Variants in TENM3 observed in about 807,000 individuals in gnomAD.
TENM3 encodes teneurin-3.
In TENM3, 63 loss-of-function variants were observed where a neutral mutation model predicts 255.1. That is an observed-to-expected ratio of 0.25 (90% CI 0.20 to 0.30). The LOEUF (loss-of-function observed/expected upper bound fraction) is 0.30, where lower values mean the gene tolerates loss of function less well. Among genes scored for constraint, TENM3 ranks in the 10% least tolerant of loss-of-function variants. The pLI is 1.00. For synonymous variants in TENM3, 1,306 were observed against 1,322.3 expected, an observed-to-expected ratio of 0.99 and a Z score of 0.27; for missense variants, 2,929 against 3,461.1, an observed-to-expected ratio of 0.85 and a Z score of 3.86.
intron 1 of TENM3, among the ~76,000 whole-genome samples, chr4:182,277,686 A>G (rs1391868169): frequency 2.0e-5 from 3 of 152,208 alleles, no homozygotes; most frequent in Non-Finnish European, 2.9e-5. Flanking sequence ...AAAATAGGAT[A>G]GAGTCCCAGT....
the TENM3 span, among the ~76,000 whole-genome samples, chr4:182,030,551 A>G: frequency 1.8e-4 from 27 of 152,282 alleles, no homozygotes; most frequent in South Asian, 8.3e-4. Flanking sequence ...ATACCTGTGC[A>G]TGTATCTTTA....
At chr4:182,169,894 A>G (rs1751985769) in intron 1 of TENM3, among the ~76,000 whole-genome samples, 1 of 151,938 alleles carries the variant, frequency 6.6e-6, no homozygotes, top group Admixed American at 6.6e-5. Flanking sequence ...TTGTAATTTA[A>G]TCTTACCATC....
the TENM3 span, among the ~76,000 whole-genome samples, chr4:181,767,648 T>C: frequency 6.6e-6 from 1 of 152,114 alleles, no homozygotes; most frequent in East Asian, 1.9e-4. Context: ...TCAGTAGGTC[T>C]AGGAAGGGAC....
chr4:181,961,135 G>A, the TENM3 span, among the ~76,000 whole-genome samples: 1 of 152,118 alleles, frequency 6.6e-6, no homozygotes, highest in African/African-American at 2.4e-5. Flanking sequence ...AAAATAATTG[G>A]AACCACTGTG....
At chr4:182,483,584 G>GTA (rs1168254087) in intron 3 of TENM3, among the ~76,000 whole-genome samples, 12 of 152,134 alleles carry the variant, frequency 7.9e-5, no homozygotes, top group African/African-American at 2.9e-4. Context: ...CAACAATGAG[G>GTA]TATGTCTAGG....
intron 7 of TENM3, among the ~76,000 whole-genome samples, chr4:182,679,205 A>T (rs1349191235): frequency 1.4e-5 from 2 of 143,748 alleles, no homozygotes; most frequent in Admixed American, 6.9e-5. Context: ...ACTTAAAATA[A>T]AATTTAAAAA....
At chr4:182,648,911 C>T (rs1245088401) in intron 5 of TENM3, among the ~76,000 whole-genome samples, 2 of 152,112 alleles carry the variant, frequency 1.3e-5, no homozygotes, top group South Asian at 2.1e-4. Context: ...CAGTTCATTC[C>T]CTAATGCTGC....
chr4:182,236,483 C>T (rs542683401), intron 1 of TENM3, among the ~76,000 whole-genome samples: 28 of 152,170 alleles, frequency 1.8e-4, no homozygotes, highest in Non-Finnish European at 3.1e-4. Flanking sequence ...TGCCTGATTT[C>T]CTTTCATGAT....
the TENM3 span, among the ~76,000 whole-genome samples, chr4:181,920,966 C>A: frequency 3.3e-5 from 5 of 152,142 alleles, no homozygotes; most frequent in East Asian, 9.6e-4. Flanking sequence ...AGCCAGTTTT[C>A]CCAGCACCAT....
At chr4:181,920,658 A>G in the TENM3 span, among the ~76,000 whole-genome samples, 3 of 151,624 alleles carry the variant, frequency 2.0e-5, no homozygotes, top group South Asian at 2.1e-4. Flanking sequence ...AGTAGGTTGC[A>G]AAAATTTTCT....
intron 1 of TENM3, among the ~76,000 whole-genome samples, chr4:182,182,164 C>T (rs185226515): frequency 2.6e-4 from 40 of 152,146 alleles, no homozygotes; most frequent in Admixed American, 6.6e-4. Flanking sequence ...AAATTTCAGA[C>T]GTGATTTTAA....
At chr4:182,573,764 G>T (rs78778668) in intron 3 of TENM3, among the ~76,000 whole-genome samples, 81,117 of 151,530 alleles carry the variant, frequency 0.54, 23,359 homozygotes, top group Non-Finnish European at 0.64. Context: ...AAAGAAAGGA[G>T]AACTATAGTT....
At chr4:181,870,098 G>C in the TENM3 span, among the ~76,000 whole-genome samples, 1 of 152,020 alleles carries the variant, frequency 6.6e-6, no homozygotes, top group Non-Finnish European at 1.5e-5. Context: ...TTCTGCTTCT[G>C]GCTTCTTTCA....
At chr4:181,832,428 G>A in the TENM3 span, among the ~76,000 whole-genome samples, 2 of 152,098 alleles carry the variant, frequency 1.3e-5, no homozygotes, top group Non-Finnish European at 1.5e-5. Flanking sequence ...AAACGGGCTC[G>A]CCAAAATGGC....
the TENM3 span, among the ~76,000 whole-genome samples, chr4:181,618,488 A>G: frequency 1.3e-5 from 2 of 152,214 alleles, no homozygotes; most frequent in African/African-American, 4.8e-5. Context: ...CAAGTTGCCA[A>G]TGTCTGCAGT....
intron 12 of TENM3, among the ~76,000 whole-genome samples, chr4:182,699,408 G>T (rs1468929415): frequency 1.3e-5 from 2 of 152,122 alleles, no homozygotes; most frequent in Admixed American, 6.5e-5. Flanking sequence ...CCTCGTGTTT[G>T]TTTCCCACTG....
intron 13 of TENM3, among the ~76,000 whole-genome samples, chr4:182,717,133 A>G (rs1759259800): frequency 6.6e-6 from 1 of 152,154 alleles, no homozygotes. Context: ...TAGGCCAAGC[A>G]TCTTCCTTCC....
chr4:182,555,470 A>G (rs1382088797), intron 3 of TENM3, among the ~76,000 whole-genome samples: 1 of 152,190 alleles, frequency 6.6e-6, no homozygotes, highest in Non-Finnish European at 1.5e-5. Flanking sequence ...ATTTAAACAA[A>G]AAGATTATTT....
At chr4:181,699,983 C>T in the TENM3 span, among the ~76,000 whole-genome samples, 1 of 152,026 alleles carries the variant, frequency 6.6e-6, no homozygotes, top group African/African-American at 2.4e-5. Context: ...TTTCAGTCGT[C>T]CTGGCAAATT....
Sources: allele counts gnomAD v4.1 joint callset (sites outside exome capture counted in the v4.1 genomes callset), GRCh38; gene constraint gnomAD v4.1.1; transcripts MANE v1.5; gene names NCBI Gene and HGNC (gene_info 2026-07-23, HGNC 2026-07-21).